Variants in TCP10L observed in about 807,000 individuals in gnomAD.
TCP10L encodes T-complex protein 10A homolog 1.
A neutral mutation model predicts 19.2 loss-of-function variants in TCP10L; 11 were observed. The observed-to-expected ratio is 0.57, with a 90% CI of 0.36 to 0.95. TCP10L has a LOEUF of 0.95. TCP10L is among the 40% of genes least tolerant of loss of function. The pLI, the probability that TCP10L is intolerant of heterozygous loss-of-function variation, is 0.01. For missense variants in TCP10L, 247 were observed against 263.9 expected, an observed-to-expected ratio of 0.94 and a Z score of 0.44; for synonymous variants, 96 against 97.2, an observed-to-expected ratio of 0.99 and a Z score of 0.07.
chr21:32,582,128 G>T lies in TCP10L; in HGVS notation c.360+72C>A. 1 of 1,541,394 alleles carries T rather than the reference G, an allele frequency of 6.5e-7. No homozygotes were observed. Among genetic ancestry groups the T allele is most frequent in the Non-Finnish European group, 8.9e-7 (1 of 1,127,706 alleles). On this transcript the variant is annotated intron_variant, in intron 3 of 4. Transcript: ENST00000300258. This position sits in a 1 kb window ranked among gnomAD's most constrained non-coding sequence, Gnocchi z 4.2. ...TGATACCGCGTCATTCAGCAATAAA[G>T]CCCACATCTTTATGGGGACGCTATT... is the stretch of plus-strand genomic sequence containing the variant.
intron 3 of TCP10L, among the ~76,000 whole-genome samples, chr21:32,579,070 C>G (rs2038465121): frequency 6.6e-6 from 1 of 152,114 alleles, no homozygotes; most frequent in Non-Finnish European, 1.5e-5. Flanking sequence ...TTCCTTGTTT[C>G]AAAATGATCA....
Position 32,582,096 on chromosome 21 carries a change from G to A in TCP10L, c.360+104C>T. The A allele has an allele frequency of 7.6e-7, 1 of 1,311,024 alleles. No homozygotes were observed. The highest frequency in any genetic ancestry group is 1.4e-5 in the South Asian group (1 of 73,024). The allele number at this position is 1,311,024 out of a possible 1,614,324, so 81.2% of individuals were successfully genotyped here. A position where few individuals can be genotyped will look rare whatever the true frequency, so the allele number is the denominator to read the frequency against. The stretch of plus-strand genomic sequence containing the variant: ...ATAGCAACCCCTCCCACCACCCGGA[G>A]CGTGAGTGATACCGCGTCATTCAGC... On this transcript the variant is annotated intron_variant, in intron 3 of 4. Coordinates refer to ENST00000300258, the MANE Select transcript of TCP10L (RefSeq NM_144659.7). This position sits in a 1 kb window ranked among gnomAD's most constrained non-coding sequence, Gnocchi z 4.2.
Position 32,583,024 on chromosome 21 carries a change from CTTTTTTTTTTTT to C in TCP10L, c.145-621_145-610del, listed in dbSNP as rs59972145. ...GCAAAAAGAGGCTGGCATTCTTTTC[CTTTTTTTTTTTT>C]TTTTTTTTTTTTTTTTGAGACAGTG... On this transcript the variant is annotated intron_variant, in intron 2 of 4. Coordinates refer to ENST00000300258, the MANE Select transcript of TCP10L (RefSeq NM_144659.7). Among the ~76,000 whole-genome samples, 200 of 94,820 alleles carry C rather than the reference CTTTTTTTTTTTT, an allele frequency of 2.1e-3. 1 individual carries two copies. Among genetic ancestry groups the C allele is most frequent in the African/African-American group, 8.4e-3 (193 of 22,940 alleles). 62.2% of individuals were successfully genotyped at this position (94,820 alleles called of 152,430 possible). A position where few individuals can be genotyped will look rare whatever the true frequency, so the allele number is the denominator to read the frequency against.
rs916615159 is a variant in TCP10L at position 32,576,712 on chromosome 21, A to G, written c.*62T>C. The G allele has an allele frequency of 6.5e-7, 1 of 1,543,052 alleles. No homozygotes were observed. Among genetic ancestry groups the G allele is most frequent in the Non-Finnish European group, 8.8e-7 (1 of 1,138,144 alleles). ...TAGACCTAAGTGGAACTTTATCTGA[A>G]TCTGAATTTTCCAAGGGGCCAGTGT... On this transcript the variant is annotated 3_prime_UTR_variant, in exon 5 of 5. Coordinates refer to ENST00000300258, the MANE Select transcript of TCP10L (RefSeq NM_144659.7).
In TCP10L at chr21:32,574,172, A is replaced by G. The variant is rs2051963876; in HGVS notation, c.*2602T>C. The G allele has an allele frequency of 6.6e-6, 1 of 152,174 alleles. No individual in the cohort carries two copies. The highest frequency in any genetic ancestry group is 1.5e-5 in the Non-Finnish European group (1 of 68,028). 9.4% of individuals were successfully genotyped at this position (152,174 alleles called of 1,614,324 possible). ...ATTTTATTGACATTTTTTGTAAAAT[A>G]TAGCATGTTACAAGTGGACCACTAG... On this transcript the variant is annotated 3_prime_UTR_variant, in exon 5 of 5. Coordinates refer to ENST00000300258, the MANE Select transcript of TCP10L (RefSeq NM_144659.7).
chr21:32,583,542 TC>T (rs1308387599), intron 2 of TCP10L, among the ~76,000 whole-genome samples: 2 of 126,806 alleles, frequency 1.6e-5, no homozygotes, highest in Admixed American at 2.1e-4. Flanking sequence ...TGAGCCGAGA[TC>T]CCGCCACTGC....
At position 32,576,290 on chromosome 21, in the gene TCP10L, A is replaced by G. The variant is rs570940547; in HGVS notation, c.*484T>C. ...TGCACTGGTGATTTTCTGCCACTCA[A>G]GTTTTGCAGACTTCGGGAAGATGGA... On this transcript the variant is annotated 3_prime_UTR_variant, in exon 5 of 5. Transcript: ENST00000300258. 6.4e-6 allele frequency: 10 copies of G among 1,572,184 alleles called. No homozygotes were observed. Among genetic ancestry groups the G allele is most frequent in the Non-Finnish European group, 8.7e-6 (10 of 1,148,966 alleles).
Position 32,584,309 on chromosome 21 carries a change from G to T in TCP10L, c.-1-4C>A. 6.2e-7 allele frequency: 1 copy of T among 1,612,966 alleles called. No homozygotes were observed. Among genetic ancestry groups the T allele is most frequent in the Non-Finnish European group, 8.5e-7 (1 of 1,179,388 alleles). Reference sequence around the variant, plus strand: ...CTCGAGTTGACCTGCCAGCATCCTGGTTGGGAAGGGAAGGGCTATGGGGAC... The same window carrying T: ...CTCGAGTTGACCTGCCAGCATCCTGTTTGGGAAGGGAAGGGCTATGGGGAC... On this transcript the variant is annotated splice_region_variant and splice_polypyrimidine_tract_variant and intron_variant, in intron 1 of 4. Coordinates refer to ENST00000300258, the MANE Select transcript of TCP10L (RefSeq NM_144659.7).
chr21:32,581,900 T>C (rs1215327826), intron 3 of TCP10L, among the ~76,000 whole-genome samples: 2 of 152,180 alleles, frequency 1.3e-5, no homozygotes, highest in Non-Finnish European at 2.9e-5. Context: ...AAGTCCACAG[T>C]AAGGGTTTGC....
In TCP10L at chr21:32,578,602, G is replaced by A. The variant is rs1601122528; in HGVS notation, c.498+92C>T. The A allele has an allele frequency of 8.5e-6, 13 of 1,530,520 alleles. No individual in the cohort carries two copies. Among genetic ancestry groups the A allele is most frequent in the African/African-American group, 1.4e-5 (1 of 72,146 alleles). 94.8% of individuals were successfully genotyped at this position (1,530,520 alleles called of 1,614,324 possible). ...AGGGAGCACCATGCTCACCCAGGGA[G>A]GTGAAATTGTGTGGTGAGGAGCTGA... On this transcript the variant is annotated intron_variant, in intron 4 of 4. Coordinates refer to ENST00000300258, the MANE Select transcript of TCP10L (RefSeq NM_144659.7). This position sits in a 1 kb window ranked among gnomAD's most constrained non-coding sequence, Gnocchi z 4.2.
Position 32,582,199 on chromosome 21 carries a change from C to G in TCP10L, c.360+1G>C. On this transcript the variant is annotated splice_donor_variant, in intron 3 of 4. Transcript: ENST00000300258. LOFTEE classifies it high-confidence loss of function. This position sits in a 1 kb window ranked among gnomAD's most constrained non-coding sequence, Gnocchi z 4.2. The stretch of plus-strand genomic sequence containing the variant: ...CAAAAACATAAATGCGCTTTTGGTA[C>G]CAGAGTGTGCGATTCTTGCCCCGCG... The G allele has an allele frequency of 1.2e-6, 2 of 1,613,828 alleles. No individual in the cohort carries two copies. Among genetic ancestry groups the G allele is most frequent in the Non-Finnish European group, 1.7e-6 (2 of 1,179,892 alleles).
In TCP10L at chr21:32,585,493, C is replaced by T. The variant is rs975893712; in HGVS notation, c.-74G>A. Reference sequence around the variant, plus strand: ...GTCCCCACAGTTGTCCCCAAGCCCTCCTGCCTCATATCCAGAGACCAGAGA... The same window carrying T: ...GTCCCCACAGTTGTCCCCAAGCCCTTCTGCCTCATATCCAGAGACCAGAGA... On this transcript the variant is annotated 5_prime_UTR_variant, in exon 1 of 5. Coordinates refer to ENST00000300258, the MANE Select transcript of TCP10L (RefSeq NM_144659.7). 1 of 156,050 alleles carries T rather than the reference C, an allele frequency of 6.4e-6. No homozygotes were observed. The highest frequency in any genetic ancestry group is 1.4e-5 in the Non-Finnish European group (1 of 69,592). The allele number at this position is 156,050 out of a possible 1,614,324, so 9.7% of individuals were successfully genotyped here. A position where few individuals can be genotyped will look rare whatever the true frequency, so the allele number is the denominator to read the frequency against.
chr21:32,581,312 G>C (rs1451632415), intron 3 of TCP10L, among the ~76,000 whole-genome samples: 1 of 152,110 alleles, frequency 6.6e-6, no homozygotes, highest in African/African-American at 2.4e-5. Context: ...CTGCTGACAG[G>C]TATCACCACT....
At chr21:32,583,993 A>T (rs969686941) in intron 2 of TCP10L, among the ~76,000 whole-genome samples, 168 bp downstream of exon 2, 1 of 152,080 alleles carries the variant, frequency 6.6e-6, no homozygotes, top group African/African-American at 2.4e-5. Context: ...ACGGTTGCAG[A>T]GGGGGAAAGA....
In TCP10L at chr21:32,582,754, C is replaced by T. The variant is rs2038510342; in HGVS notation, c.145-339G>A. 6.6e-6 allele frequency among the ~76,000 whole-genome samples: 1 copy of T among 151,880 alleles called. No individual in the cohort carries two copies. The highest frequency in any genetic ancestry group is 1.5e-5 in the Non-Finnish European group (1 of 67,972). ...ACTACAGGCATGTGCCACCATACTT[C>T]GCTAATTTTTGTATTTTTACTCGGG... On this transcript the variant is annotated intron_variant, in intron 2 of 4. Transcript: ENST00000300258. This position sits in a 1 kb window ranked among gnomAD's most constrained non-coding sequence, Gnocchi z 4.2.
chr21:32,583,023 C>CTTTTTT (rs2038513187), intron 2 of TCP10L, among the ~76,000 whole-genome samples: 1 of 113,190 alleles, frequency 8.8e-6, no homozygotes, highest in African/African-American at 3.6e-5. Context: ...GCATTCTTTT[C>CTTTTTT]CTTTTTTTTT....
chr21:32,580,027 A>G (rs2038474648), intron 3 of TCP10L, among the ~76,000 whole-genome samples: 1 of 152,216 alleles, frequency 6.6e-6, no homozygotes, highest in Non-Finnish European at 1.5e-5. Flanking sequence ...AAGCTCTCGC[A>G]GAGCTCCCGA....
In TCP10L at chr21:32,576,741, G is replaced by C; in HGVS notation, c.*33C>G. Reference sequence around the variant, plus strand: ...GAATTTTCCAAGGGGCCAGTGTAGAGTGACACAGGTGTCCGAGGCCACCTT... The same window carrying C: ...GAATTTTCCAAGGGGCCAGTGTAGACTGACACAGGTGTCCGAGGCCACCTT... On this transcript the variant is annotated 3_prime_UTR_variant, in exon 5 of 5. Transcript: ENST00000300258. 6.2e-7 allele frequency: 1 copy of C among 1,606,816 alleles called. No homozygotes were observed. Among genetic ancestry groups the C allele is most frequent in the Non-Finnish European group, 8.5e-7 (1 of 1,177,122 alleles).
chr21:32,584,021 G>A, intron 2 of TCP10L, 140 bp downstream of exon 2: 16 of 1,150,282 alleles, frequency 1.4e-5, no homozygotes, highest in Non-Finnish European at 1.9e-5. Context: ...GCCCCTTGGA[G>A]AGGAAGTACA....
Sources: gnomAD v4.1 joint callset for allele counts (sites outside exome capture counted in the v4.1 genomes callset) on GRCh38, gnomAD v4.1.1 for gene constraint, Gnocchi (gnomAD v3.1) non-coding constraint, MANE v1.5 for transcripts, NCBI Gene and HGNC (gene_info 2026-07-23, HGNC 2026-07-21) for gene names.